IMMP2L: variants seen among roughly 807,000 people sequenced by gnomAD.
IMMP2L encodes the protein inner mitochondrial membrane peptidase subunit 2.
IMMP2L carries 18 observed loss-of-function variants against 19.3 expected under a neutral mutation model. The ratio of observed to expected loss-of-function variants is 0.93; its 90% CI spans 0.64 to 1.38. The LOEUF (loss-of-function observed/expected upper bound fraction) is 1.38, where lower values mean the gene tolerates loss of function less well. Among genes scored for constraint, IMMP2L ranks in the 40% most tolerant of loss-of-function variants. The probability of loss-of-function intolerance (pLI) is 0.00; values close to 1 mark genes in which losing one functional copy is unlikely to be tolerated. For missense variants in IMMP2L, 233 were observed against 218.2 expected (o/e 1.07, Z -0.43); for synonymous variants, 76 against 73.0 (o/e 1.04, Z -0.21).
intron 3 of IMMP2L, among the ~76,000 whole-genome samples, chr7:111,207,773 A>G (rs951619796): frequency 4.6e-5 from 7 of 151,936 alleles, no homozygotes; most frequent in Non-Finnish European, 1.0e-4. Flanking sequence ...TGATCTCGTG[A>G]TCTGCCCTCC....
intron 3 of IMMP2L, among the ~76,000 whole-genome samples, chr7:111,001,784 T>C (rs1823725788): frequency 6.6e-6 from 1 of 152,158 alleles, no homozygotes; most frequent in African/African-American, 2.4e-5. Context: ...GCTGGGACTC[T>C]TATCAAAATA....
intron 5 of IMMP2L, among the ~76,000 whole-genome samples, chr7:110,670,312 G>A (rs1300954346): frequency 6.6e-6 from 1 of 152,162 alleles, no homozygotes; most frequent in Non-Finnish European, 1.5e-5. Context: ...AGAATTGTCA[G>A]AAAATAAATT....
intron 3 of IMMP2L, among the ~76,000 whole-genome samples, chr7:111,187,369 C>T (rs1384488447): frequency 6.6e-6 from 1 of 152,106 alleles, no homozygotes; most frequent in East Asian, 1.9e-4. Context: ...AATGCTGGCA[C>T]TTTGAAAGAG....
chr7:110,973,686 T>C (rs886958501), intron 3 of IMMP2L, among the ~76,000 whole-genome samples: 1 of 152,136 alleles, frequency 6.6e-6, no homozygotes, highest in Admixed American at 6.6e-5. Context: ...CCCACAAGTG[T>C]TGTTCCTTGC....
At chr7:111,398,030 A>C (rs11977486) in intron 3 of IMMP2L, among the ~76,000 whole-genome samples, 3,059 of 152,236 alleles carry the variant, frequency 0.02, 106 homozygotes, top group African/African-American at 0.07. Flanking sequence ...TCTGAAATGC[A>C]TTTTGTATAC....
intron 5 of IMMP2L, among the ~76,000 whole-genome samples, chr7:110,813,432 CTTT>C (rs113097047): frequency 1.4e-5 from 2 of 144,838 alleles, no homozygotes; most frequent in Non-Finnish European, 1.5e-5. Flanking sequence ...ACATTTCTTT[CTTT>C]TTTTTTTTTT....
intron 4 of IMMP2L, among the ~76,000 whole-genome samples, chr7:110,941,072 A>C (rs1469026142): frequency 1.3e-5 from 2 of 152,182 alleles, no homozygotes; most frequent in African/African-American, 4.8e-5. Context: ...TACTCTCTTT[A>C]AAATGGAAGT....
At chr7:111,107,763 C>T (rs953234026) in intron 3 of IMMP2L, among the ~76,000 whole-genome samples, 2 of 151,938 alleles carry the variant, frequency 1.3e-5, no homozygotes, top group Non-Finnish European at 2.9e-5. Flanking sequence ...TAATGAACTC[C>T]CAAAGATTTA....
intron 3 of IMMP2L, among the ~76,000 whole-genome samples, chr7:111,179,105 T>C (rs1173420560): frequency 6.6e-6 from 1 of 152,064 alleles, no homozygotes; most frequent in African/African-American, 2.4e-5. Context: ...ATAAATGTTG[T>C]GTTAGCAGGC....
chr7:111,309,189 C>A (rs556259044), intron 3 of IMMP2L, among the ~76,000 whole-genome samples: 1 of 152,042 alleles, frequency 6.6e-6, no homozygotes, highest in Non-Finnish European at 1.5e-5. Context: ...GGAGAAAATA[C>A]AATTGTTTTC....
At position 110,884,899 on chromosome 7, in the gene IMMP2L, C is replaced by A. The variant is rs545329618; in HGVS notation, c.408+1694G>T. Among the ~76,000 whole-genome samples, 13 of 152,056 alleles carry A rather than the reference C, an allele frequency of 8.5e-5. 1 individual carries two copies. In the East Asian group the frequency reaches 2.3e-3, roughly 27 times the overall value. On this transcript the variant is annotated intron_variant, in intron 5 of 5. Transcript: ENST00000405709. ...AGGAGTAGTTTCCTAAAGTCATCTT[C>A]CACACAATTATATATGCTTATCCAA... is the stretch of plus-strand genomic sequence containing the variant.
chr7:110,728,498 C>CA lies in IMMP2L; in HGVS notation c.409-64778dup, dbSNP rs1377294268. ...TGGGCAACAGAGTGAGACTCCGTCT[C>CA]AAAAAAATAAATAAAATAAAATAAA... On this transcript the variant is annotated intron_variant, in intron 5 of 5. Coordinates refer to ENST00000405709, the MANE Select transcript of IMMP2L (RefSeq NM_032549.4). This position sits in a 1 kb window ranked among gnomAD's most constrained non-coding sequence, Gnocchi z 4.6. 6.6e-6 allele frequency among the ~76,000 whole-genome samples: 1 copy of CA among 151,912 alleles called. No homozygotes were observed. Among genetic ancestry groups the CA allele is most frequent in the South Asian group, 2.1e-4 (1 of 4,816 alleles).
intron 3 of IMMP2L, among the ~76,000 whole-genome samples, chr7:111,241,916 G>A (rs1299170040): frequency 6.6e-6 from 1 of 151,856 alleles, no homozygotes; most frequent in African/African-American, 2.4e-5. Flanking sequence ...TTTGCAGCCT[G>A]TAGCAAAACA....
chr7:111,524,678 G>A (rs1846668492), intron 1 of IMMP2L, among the ~76,000 whole-genome samples: 1 of 152,070 alleles, frequency 6.6e-6, no homozygotes, highest in African/African-American at 2.4e-5. Context: ...TTCTGAAAAT[G>A]AAAACAGGGG....
chr7:111,542,791 C>T (rs933724183), intron 1 of IMMP2L, among the ~76,000 whole-genome samples: 4 of 152,114 alleles, frequency 2.6e-5, no homozygotes, highest in Non-Finnish European at 4.4e-5. Flanking sequence ...CTATATGGAA[C>T]ATCAATTAAT....
At position 110,877,438 on chromosome 7, in the gene IMMP2L, A is replaced by C. The variant is rs749956901; in HGVS notation, c.408+9155T>G. Among the ~76,000 whole-genome samples, 3 of 152,184 alleles carry C rather than the reference A, an allele frequency of 2.0e-5. No individual in the cohort carries two copies. Among genetic ancestry groups the C allele is most frequent in the Non-Finnish European group, 2.9e-5 (2 of 68,032 alleles). On this transcript the variant is annotated intron_variant, in intron 5 of 5. Coordinates refer to ENST00000405709, the MANE Select transcript of IMMP2L (RefSeq NM_032549.4). This position sits in a 1 kb window ranked among gnomAD's most constrained non-coding sequence, Gnocchi z 4.0. ...TTCATGTTAGAGTAGGTCTGGGAGT[A>C]GTCATTGTCCAGATTAAGGTGGGCA...
At chr7:111,381,785 C>G (rs1308947136) in intron 3 of IMMP2L, among the ~76,000 whole-genome samples, 2 of 151,916 alleles carry the variant, frequency 1.3e-5, no homozygotes, top group East Asian at 1.9e-4. Context: ...TTCATTCAAA[C>G]ACATCATTAT....
rs1261054174 is a variant in IMMP2L, at chr7:110,727,343, ACT to A, written c.409-63624_409-63623del. Among the ~76,000 whole-genome samples the A allele has an allele frequency of 2.0e-5, 3 of 152,096 alleles. No individual in the cohort carries two copies. The highest frequency in any genetic ancestry group is 1.9e-4 in the East Asian group (1 of 5,188). Reference sequence around the variant, plus strand: ...GAGGTGGAAGTTGCAGTGAGCCGAGACTCTGCCACAGCACTCCAGCCTGGATG... The same window carrying A: ...GAGGTGGAAGTTGCAGTGAGCCGAGACTGCCACAGCACTCCAGCCTGGATG... On this transcript the variant is annotated intron_variant, in intron 5 of 5. Coordinates refer to ENST00000405709, the MANE Select transcript of IMMP2L (RefSeq NM_032549.4). The surrounding 1 kb of genome is among the most constrained non-coding windows in gnomAD (Gnocchi z 4.3).
intron 5 of IMMP2L, among the ~76,000 whole-genome samples, chr7:110,840,789 T>A (rs957432467): frequency 3.2e-4 from 48 of 152,098 alleles, no homozygotes; most frequent in Non-Finnish European, 1.2e-4. Context: ...TATGAAAAAC[T>A]TTTGTCTCTT....
Sources: allele counts gnomAD v4.1 joint callset (sites outside exome capture counted in the v4.1 genomes callset), GRCh38; gene constraint gnomAD v4.1.1; non-coding constraint Gnocchi (gnomAD v3.1); transcripts MANE v1.5; gene names NCBI Gene and HGNC (gene_info 2026-07-23, HGNC 2026-07-21).